SHANK2: variants seen among roughly 807,000 people sequenced by gnomAD.
SHANK2 encodes the protein SH3 and multiple ankyrin repeat domains protein 2.
In SHANK2, 43 loss-of-function variants were observed where a neutral mutation model predicts 133.7. The observed-to-expected ratio is 0.32, with a 90% confidence interval of 0.25 to 0.41. The LOEUF (loss-of-function observed/expected upper bound fraction) is 0.41. SHANK2 is among the 10% of genes least tolerant of loss of function. The pLI, the probability that SHANK2 is intolerant of heterozygous loss-of-function variation, is 1.00. For synonymous variants in SHANK2, 1,017 were observed against 952.8 expected, an observed-to-expected ratio of 1.07 and a Z score of -1.24; for missense variants, 1,994 against 2,235.8, an observed-to-expected ratio of 0.89 and a Z score of 2.18.
intron 11 of SHANK2, among the ~76,000 whole-genome samples, chr11:70,860,830 G>A (rs1370519187): frequency 6.6e-6 from 1 of 152,068 alleles, no homozygotes; most frequent in African/African-American, 2.4e-5. Context: ...AGACCAACCT[G>A]GGCAACATGG....
At chr11:71,088,142 T>C (rs1951443706) in intron 8 of SHANK2, among the ~76,000 whole-genome samples, 1 of 152,154 alleles carries the variant, frequency 6.6e-6, no homozygotes, top group African/African-American at 2.4e-5. Flanking sequence ...GAAAAAAGAC[T>C]GAGGTCCCCT....
At chr11:70,745,612 C>T (rs1443233105) in intron 14 of SHANK2, among the ~76,000 whole-genome samples, 1 of 152,138 alleles carries the variant, frequency 6.6e-6, no homozygotes, top group Non-Finnish European at 1.5e-5. Context: ...ACTCAGAGAG[C>T]CCCAATCCTC....
At chr11:70,792,371 C>T (rs1235539068) in intron 14 of SHANK2, among the ~76,000 whole-genome samples, 4 of 148,778 alleles carry the variant, frequency 2.7e-5, no homozygotes, top group African/African-American at 1.0e-4. Context: ...AATTAACCAA[C>T]CAACCAACCA....
intron 1 of SHANK2, among the ~76,000 whole-genome samples, chr11:71,231,873 G>A (rs914953416): frequency 6.6e-5 from 10 of 151,824 alleles, no homozygotes; most frequent in African/African-American, 2.4e-4. Context: ...TGGGTGACAG[G>A]GCCAGGTGTC....
intron 11 of SHANK2, among the ~76,000 whole-genome samples, chr11:70,876,851 C>G (rs1490470779): frequency 6.6e-6 from 1 of 152,170 alleles, no homozygotes; most frequent in Non-Finnish European, 1.5e-5. Flanking sequence ...CATGCTGAGG[C>G]AGAGCGCCCT....
chr11:71,134,805 G>C (rs1348524210), intron 3 of SHANK2, among the ~76,000 whole-genome samples: 1 of 152,142 alleles, frequency 6.6e-6, no homozygotes, highest in African/African-American at 2.4e-5. Flanking sequence ...ATAGGGAAGC[G>C]TCTGTGGGTC....
chr11:70,599,255 T>A (rs1187993721), intron 17 of SHANK2, among the ~76,000 whole-genome samples: 1 of 152,066 alleles, frequency 6.6e-6, no homozygotes, highest in Non-Finnish European at 1.5e-5. Context: ...TACCTAGGAA[T>A]AAATCTAAAA....
chr11:71,179,628 T>A (rs372119771), intron 2 of SHANK2, among the ~76,000 whole-genome samples: 2 of 152,310 alleles, frequency 1.3e-5, no homozygotes, highest in East Asian at 3.9e-4. Context: ...CAGAGTGAGA[T>A]GGAAGAAATA....
At chr11:70,664,705 C>T (rs1487598874) in intron 15 of SHANK2, among the ~76,000 whole-genome samples, 15 of 152,212 alleles carry the variant, frequency 9.9e-5, no homozygotes, top group Non-Finnish European at 1.8e-4. Flanking sequence ...GCATACCCTG[C>T]GACGGGAACT....
intron 24 of SHANK2, chr11:70,488,926 G>A: frequency 3.7e-6 from 1 of 270,966 alleles, no homozygotes; most frequent in Middle Eastern, 1.4e-3. Context: ...AACAGCTGAA[G>A]ACACAGACAC....
intron 3 of SHANK2, among the ~76,000 whole-genome samples, chr11:71,140,587 G>A (rs1222338179): frequency 6.6e-6 from 1 of 152,246 alleles, no homozygotes; most frequent in Non-Finnish European, 1.5e-5. Context: ...TGGCTGATGA[G>A]AGCCTCCGAG....
At position 70,684,865 on chromosome 11, in the gene SHANK2, C is replaced by A. The variant is rs563862609; in HGVS notation, c.1853+13823G>T. On this transcript the variant is annotated intron_variant, in intron 15 of 25. Transcript: ENST00000601538. ...CATGCCTCACTCTGCCTCAGTGTAC[C>A]CTTTAGGAAGAAGAAGGGACTCCAG... Among the ~76,000 whole-genome samples the A allele has an allele frequency of 1.4e-3, 215 of 152,218 alleles. 1 individual carries two copies. The highest frequency in any genetic ancestry group is 5.1e-3 in the African/African-American group (213 of 41,506).
chr11:71,233,796 C>T (rs972660890), intron 1 of SHANK2, among the ~76,000 whole-genome samples: 5 of 152,166 alleles, frequency 3.3e-5, no homozygotes, highest in Admixed American at 1.3e-4. Flanking sequence ...GCCTGTAATC[C>T]CAGCACTTTG....
At chr11:70,614,547 A>G (rs1399143975) in intron 17 of SHANK2, among the ~76,000 whole-genome samples, 2 of 152,164 alleles carry the variant, frequency 1.3e-5, no homozygotes, top group African/African-American at 4.8e-5. Context: ...TCCTGACCTC[A>G]GGTGATCCAC....
At chr11:70,691,574 GA>G (rs1303739087) in intron 15 of SHANK2, among the ~76,000 whole-genome samples, 2 of 152,116 alleles carry the variant, frequency 1.3e-5, no homozygotes, top group African/African-American at 2.4e-5. Flanking sequence ...AACTACAAAA[GA>G]ACTATATACT....
At chr11:71,069,496 C>G (rs1951115490) in intron 9 of SHANK2, among the ~76,000 whole-genome samples, 1 of 152,148 alleles carries the variant, frequency 6.6e-6, no homozygotes, top group African/African-American at 2.4e-5. Context: ...AGTATCATCA[C>G]CACCTTCACC....
At chr11:70,855,169 G>C (rs574499231) in intron 11 of SHANK2, among the ~76,000 whole-genome samples, 1 of 152,320 alleles carries the variant, frequency 6.6e-6, no homozygotes, top group East Asian at 1.9e-4. Flanking sequence ...TTCATGATGA[G>C]GGATAATTAA....
chr11:70,486,961 T>G lies in SHANK2; in HGVS notation c.3332A>C (p.Asp1111Ala). 1 of 1,612,252 alleles carries G rather than the reference T, an allele frequency of 6.2e-7. No individual in the cohort carries two copies. Among genetic ancestry groups the G allele is most frequent in the East Asian group, 2.2e-5 (1 of 44,850 alleles). Residue 1111 changes from aspartate (D) to alanine (A), a missense_variant, in exon 25 of 26, where the codon GAT (aspartate) becomes GCT (alanine). Coordinates refer to ENST00000601538, the MANE Select transcript of SHANK2 (RefSeq NM_012309.5). This position sits in a 1 kb window ranked among gnomAD's most constrained non-coding sequence, Gnocchi z 8.0. The part of the protein sequence containing the change: ...AFLSTDLGDE[D>A]VGLGPPAPRT... ...GGGGGCGGGTGGCCCCAGGCCCACA[T>G]CCTCATCCCCCAGGTCTGTGGAGAG... is the stretch of plus-strand genomic sequence containing the variant.
intron 6 of SHANK2, among the ~76,000 whole-genome samples, chr11:71,100,424 T>C (rs1555096418): frequency 6.6e-6 from 1 of 152,226 alleles, no homozygotes; most frequent in East Asian, 1.9e-4. Flanking sequence ...CAACAAGATG[T>C]TGTTCAACAC....
Sources: allele counts gnomAD v4.1 joint callset (sites outside exome capture counted in the v4.1 genomes callset), GRCh38; gene constraint gnomAD v4.1.1; non-coding constraint Gnocchi (gnomAD v3.1); transcripts MANE v1.5; gene names NCBI Gene and HGNC (gene_info 2026-07-23, HGNC 2026-07-21).